Variants in EYS observed in about 807,000 individuals in gnomAD.
EYS encodes the protein protein eyes shut homolog.
A neutral mutation model predicts 282.1 loss-of-function variants in EYS; 250 were observed. The observed-to-expected ratio is 0.89, with a 90% CI of 0.80 to 0.98. The LOEUF (loss-of-function observed/expected upper bound fraction) is 0.98, where lower values mean the gene tolerates loss of function less well. EYS is among the 50% of genes least tolerant of loss of function. EYS has a pLI of 0.00. For missense variants in EYS, 4,016 were observed against 3,709.0 expected (o/e 1.08, Z -2.15); for synonymous variants, 1,355 against 1,282.9 (o/e 1.06, Z -1.20).
rs561707549 is a variant in EYS, at chr6:64,946,539, T to C, written c.2260-625A>G. Among the ~76,000 whole-genome samples the C allele has an allele frequency of 4.6e-5, 7 of 151,960 alleles. No homozygotes were observed. The South Asian group carries it at 1.4e-3, about 31-fold the overall frequency. The stretch of plus-strand genomic sequence containing the variant: ...TTTAAATTACTCTGTGAAAATACTT[T>C]CTATATGAAAAATATTTTTGAAGAA... On this transcript the variant is annotated intron_variant, in intron 14 of 42. Coordinates refer to ENST00000503581, the MANE Select transcript of EYS (RefSeq NM_001142800.2).
intron 41 of EYS, among the ~76,000 whole-genome samples, chr6:63,751,373 A>G (rs762904790): frequency 6.6e-6 from 1 of 152,186 alleles, no homozygotes; most frequent in Non-Finnish European, 1.5e-5. Flanking sequence ...TTTTCTGTTC[A>G]GTTAGCAGAG....
chr6:65,577,206 A>G (rs762892141), intron 2 of EYS, among the ~76,000 whole-genome samples: 2 of 151,940 alleles, frequency 1.3e-5, no homozygotes, highest in African/African-American at 2.4e-5. Flanking sequence ...ACAGCATGGT[A>G]CTGGCAAAAC....
At chr6:64,253,538 G>T (rs1767290728) in intron 30 of EYS, among the ~76,000 whole-genome samples, 1 of 152,064 alleles carries the variant, frequency 6.6e-6, no homozygotes, top group African/African-American at 2.4e-5. Flanking sequence ...ATTATTTCCT[G>T]GTCTTAAGAG....
chr6:64,551,569 CTG>C (rs1345196028), intron 26 of EYS, among the ~76,000 whole-genome samples: 1 of 142,808 alleles, frequency 7.0e-6, no homozygotes, highest in African/African-American at 2.6e-5. Context: ...TGGAGTCCTG[CTG>C]TGTTGCCCAG....
At chr6:64,350,870 G>C (rs1459380014) in intron 29 of EYS, among the ~76,000 whole-genome samples, 2 of 151,452 alleles carry the variant, frequency 1.3e-5, no homozygotes, top group East Asian at 3.9e-4. Context: ...ATGGGGCCCT[G>C]TCCCCCATGC....
At chr6:64,942,827 C>CAA (rs34826658) in intron 15 of EYS, among the ~76,000 whole-genome samples, 14,420 of 93,942 alleles carry the variant, frequency 0.15, 2,303 homozygotes, top group African/African-American at 0.4. Flanking sequence ...GTAACTCTTC[C>CAA]AAAAAAAAAA....
chr6:65,035,593 C>A (rs1208246517), intron 13 of EYS, among the ~76,000 whole-genome samples: 1 of 151,770 alleles, frequency 6.6e-6, no homozygotes, highest in East Asian at 1.9e-4. Flanking sequence ...AATAGCCATA[C>A]ACAAAAAAAA....
chr6:64,390,089 G>A (rs538151674), intron 28 of EYS, among the ~76,000 whole-genome samples: 11 of 152,084 alleles, frequency 7.2e-5, no homozygotes, highest in Non-Finnish European at 1.0e-4. Context: ...GGCACATCAC[G>A]AGATTATATC....
At chr6:64,548,620 T>G (rs1051638978) in intron 26 of EYS, among the ~76,000 whole-genome samples, 1 of 151,858 alleles carries the variant, frequency 6.6e-6, no homozygotes, top group African/African-American at 2.4e-5. Context: ...TAGGTGGGAA[T>G]TGAACAATGA....
At chr6:63,978,596 A>C (rs1317284457) in intron 35 of EYS, among the ~76,000 whole-genome samples, 1 of 151,948 alleles carries the variant, frequency 6.6e-6, no homozygotes, top group Admixed American at 6.6e-5. Flanking sequence ...TCTGGGTTAG[A>C]TACAGAGTAA....
intron 31 of EYS, among the ~76,000 whole-genome samples, chr6:64,132,187 C>A (rs1482204285): frequency 6.6e-6 from 1 of 151,804 alleles, no homozygotes; most frequent in Non-Finnish European, 1.5e-5. Context: ...TCAAAAAATT[C>A]CTTTGTTAGT....
At chr6:64,977,602 T>C (rs1770510449) in intron 14 of EYS, among the ~76,000 whole-genome samples, 1 of 150,308 alleles carries the variant, frequency 6.7e-6, no homozygotes, top group Admixed American at 6.7e-5. Flanking sequence ...GTGGAAGGCA[T>C]GTTGAAAGCC....
rs1161947846 is a variant in EYS at position 64,875,825 on chromosome 6, AT to A, written c.2992+10871del. 4.7e-4 allele frequency among the ~76,000 whole-genome samples: 71 copies of A among 152,166 alleles called. 1 individual carries two copies. Among genetic ancestry groups the A allele is most frequent in the African/African-American group, 1.6e-3 (68 of 41,528 alleles). ...TTTATCTGAGGCCAATTACTCTAAA[AT>A]ATGTGATGCCCTAGAAAACTAAATA... On this transcript the variant is annotated intron_variant, in intron 19 of 42. Coordinates refer to ENST00000503581, the MANE Select transcript of EYS (RefSeq NM_001142800.2).
At chr6:65,000,626 A>T (rs1771431250) in intron 13 of EYS, among the ~76,000 whole-genome samples, 1 of 152,118 alleles carries the variant, frequency 6.6e-6, no homozygotes, top group Non-Finnish European at 1.5e-5. Context: ...ATAAAAAAAA[A>T]AATTAGCCGG....
At chr6:64,158,343 G>GT (rs1774996727) in intron 31 of EYS, among the ~76,000 whole-genome samples, 1 of 151,700 alleles carries the variant, frequency 6.6e-6, no homozygotes, top group Admixed American at 6.6e-5. Context: ...TGTAACTTCT[G>GT]TTTTTTTCAT....
rs144510077 is a variant in EYS at position 64,381,193 on chromosome 6, C to T, written c.6078+7497G>A. ...TTTATACTAACGTTCTTTATACTAA[C>T]GGTTCTTTATACTAACTCTACCTAG... On this transcript the variant is annotated intron_variant, in intron 29 of 42. Transcript: ENST00000503581. 2.4e-3 allele frequency among the ~76,000 whole-genome samples: 365 copies of T among 152,146 alleles called. 1 individual carries two copies. The highest frequency in any genetic ancestry group is 8.4e-3 in the African/African-American group (348 of 41,488).
At chr6:63,881,114 A>T (rs978581148) in intron 35 of EYS, among the ~76,000 whole-genome samples, 6 of 152,184 alleles carry the variant, frequency 3.9e-5, no homozygotes, top group Non-Finnish European at 8.8e-5. Context: ...AATAGTTTCA[A>T]TTAGTTTATT....
intron 41 of EYS, among the ~76,000 whole-genome samples, chr6:63,746,875 A>G (rs1238159670): frequency 6.6e-6 from 1 of 152,154 alleles, no homozygotes; most frequent in Non-Finnish European, 1.5e-5. Context: ...TCTTTTCAAA[A>G]AGCCAGCTCC....
At chr6:65,549,775 A>T (rs1768531421) in intron 2 of EYS, among the ~76,000 whole-genome samples, 1 of 152,130 alleles carries the variant, frequency 6.6e-6, no homozygotes, top group Non-Finnish European at 1.5e-5. Context: ...CTCAGGAAGA[A>T]TTTTTCTGAC....
Sources: allele counts gnomAD v4.1 joint callset (sites outside exome capture counted in the v4.1 genomes callset), GRCh38; gene constraint gnomAD v4.1.1; transcripts MANE v1.5; gene names NCBI Gene and HGNC (gene_info 2026-07-23, HGNC 2026-07-21).